Variants in FRMD6 observed in about 807,000 individuals in gnomAD.
FRMD6 encodes the protein FERM domain-containing protein 6.
A neutral mutation model predicts 73.2 loss-of-function variants in FRMD6; 37 were observed. The observed-to-expected ratio is 0.51, with a 90% CI of 0.39 to 0.66. FRMD6 has a LOEUF of 0.66. FRMD6 is among the 30% of genes least tolerant of loss of function. The pLI is 0.00. For synonymous variants in FRMD6, 273 were observed against 282.2 expected (o/e 0.97, Z 0.33); for missense variants, 714 against 780.5 (o/e 0.91, Z 1.02).
intron 9 of FRMD6, among the ~76,000 whole-genome samples, 182 bp downstream of exon 9, chr14:51,712,733 T>A (rs10873052): frequency 6.6e-5 from 10 of 152,036 alleles, no homozygotes; most frequent in Non-Finnish European, 7.4e-5. Flanking sequence ...CTATAGATTC[T>A]TTGTCACACA....
intron 2 of FRMD6, 111 bp from the exon 3 acceptor site, chr14:51,698,031 C>A: frequency 1.5e-6 from 1 of 681,958 alleles, no homozygotes; most frequent in Non-Finnish European, 2.6e-6. Context: ...TTTCTACTGT[C>A]AGCTTGTCCT....
At chr14:51,625,463 TTTG>T (rs150910846) in intron 2 of FRMD6, among the ~76,000 whole-genome samples, 60,094 of 114,960 alleles carry the variant, frequency 0.52, 13,000 homozygotes, top group African/African-American at 0.63. Context: ...ATCTTTTTTT[TTTG>T]TTGTTGTTGT....
At chr14:51,590,276 G>A (rs938467317) in intron 2 of FRMD6, among the ~76,000 whole-genome samples, 2 of 152,120 alleles carry the variant, frequency 1.3e-5, no homozygotes, top group Non-Finnish European at 2.9e-5. Flanking sequence ...CCAGATGTTT[G>A]ACCAGAGAAC....
rs1898196667 is a variant in FRMD6 at position 51,730,436 on chromosome 14, TAAAAA to T, written c.*2408_*2412del. Reference sequence around the variant, plus strand: ...TGTATTTGGAAATTGTTTTTAAAAATAAAAAGGAAAGGAAATATATAAAGCTGTTA... The same window carrying T: ...TGTATTTGGAAATTGTTTTTAAAAATGGAAAGGAAATATATAAAGCTGTTA... On this transcript the variant is annotated 3_prime_UTR_variant, in exon 14 of 14. Coordinates refer to ENST00000344768, the MANE Select transcript of FRMD6 (RefSeq NM_001267046.2). 6.6e-6 allele frequency: 1 copy of T among 152,242 alleles called. No individual in the cohort carries two copies. The highest frequency in any genetic ancestry group is 6.6e-5 in the Admixed American group (1 of 15,266). 9.4% of individuals were successfully genotyped at this position (152,242 alleles called of 1,614,324 possible).
chr14:51,613,990 T>C (rs1404728067), intron 2 of FRMD6, among the ~76,000 whole-genome samples: 1 of 152,208 alleles, frequency 6.6e-6, no homozygotes, highest in Non-Finnish European at 1.5e-5. Context: ...ATTTCACACG[T>C]ACCACACACC....
chr14:51,456,191 C>T, the FRMD6 span, among the ~76,000 whole-genome samples: 1 of 152,074 alleles, frequency 6.6e-6, no homozygotes, highest in Non-Finnish European at 1.5e-5. Flanking sequence ...GGGATACATT[C>T]TGCAGAACTT....
intron 7 of FRMD6, among the ~76,000 whole-genome samples, chr14:51,708,658 A>G (rs951294668): frequency 2.0e-5 from 3 of 152,114 alleles, no homozygotes; most frequent in Non-Finnish European, 4.4e-5. Context: ...CATTACCACA[A>G]CAGGTAATGT....
rs199579802 is a variant in FRMD6, at chr14:51,555,040, ATACT to A, written c.-209-15303_-209-15300del. Among the ~76,000 whole-genome samples the A allele has an allele frequency of 6.5e-3, 990 of 152,334 alleles. 25 individuals carry two copies. Among genetic ancestry groups the A allele is most frequent in the Admixed American group, 0.056 (853 of 15,304 alleles). On this transcript the variant is annotated intron_variant, in intron 1 of 14. Transcript: ENST00000356218. ...GAGCCATCCTGGCCTGCACTAGGAA[ATACT>A]TACTCGATGCATTGTGGACCCTTCC...
intron 1 of FRMD6, among the ~76,000 whole-genome samples, chr14:51,655,116 G>A (rs1048803206): frequency 6.6e-6 from 1 of 151,620 alleles, no homozygotes; most frequent in Non-Finnish European, 1.5e-5. Flanking sequence ...ACAGTTTGTG[G>A]ATTCAGGTAT....
At chr14:51,566,046 TC>T (rs1457648019) in intron 1 of FRMD6, among the ~76,000 whole-genome samples, 150 of 152,222 alleles carry the variant, frequency 9.9e-4, no homozygotes, top group African/African-American at 3.5e-3. Flanking sequence ...GCGCCTGTAG[TC>T]CCAGCTACTC....
At chr14:51,710,774 A>G (rs1896898543) in intron 7 of FRMD6, among the ~76,000 whole-genome samples, 1 of 152,186 alleles carries the variant, frequency 6.6e-6, no homozygotes, top group African/African-American at 2.4e-5. Flanking sequence ...TGAACTTTAT[A>G]CACTATATAT....
At chr14:51,513,971 G>A (rs548514341) in intron 1 of FRMD6, among the ~76,000 whole-genome samples, 5 of 152,292 alleles carry the variant, frequency 3.3e-5, no homozygotes, top group African/African-American at 4.8e-5. Context: ...CCTTGGTAAC[G>A]TTATTTGTGA....
At chr14:51,472,533 G>T in the FRMD6 span, among the ~76,000 whole-genome samples, 1 of 152,158 alleles carries the variant, frequency 6.6e-6, no homozygotes, top group Non-Finnish European at 1.5e-5. Flanking sequence ...TCGATCTCCT[G>T]ACCTCGTGAT....
chr14:51,492,619 A>G (rs1267764660), intron 1 of FRMD6, among the ~76,000 whole-genome samples: 2 of 152,166 alleles, frequency 1.3e-5, no homozygotes, highest in East Asian at 3.8e-4. Context: ...TTCATTTTCA[A>G]AGAGTTTCTC....
At chr14:51,437,464 G>A in the FRMD6 span, among the ~76,000 whole-genome samples, 4 of 152,118 alleles carry the variant, frequency 2.6e-5, no homozygotes, top group Admixed American at 1.3e-4. Flanking sequence ...CACCACACCC[G>A]GCTAATTTTT....
chr14:51,663,293 A>C (rs898530239), intron 1 of FRMD6, among the ~76,000 whole-genome samples: 2 of 152,246 alleles, frequency 1.3e-5, no homozygotes, highest in South Asian at 4.1e-4. Flanking sequence ...AAATCATTCT[A>C]TTACAAAGAC....
chr14:51,596,058 C>T (rs1309822239), intron 2 of FRMD6, among the ~76,000 whole-genome samples: 1 of 152,168 alleles, frequency 6.6e-6, no homozygotes, highest in Non-Finnish European at 1.5e-5. Flanking sequence ...ACTTGCAGAA[C>T]TAATGTTCCC....
chr14:51,699,082 T>C (rs1386960937), intron 3 of FRMD6, among the ~76,000 whole-genome samples: 1 of 152,096 alleles, frequency 6.6e-6, no homozygotes, highest in Non-Finnish European at 1.5e-5. Flanking sequence ...ATAATATGTT[T>C]ACACCTGCCA....
At chr14:51,702,464 C>T in intron 4 of FRMD6, 48 bp from the exon 5 acceptor site, 1 of 1,521,526 alleles carries the variant, frequency 6.6e-7, no homozygotes, top group African/African-American at 1.4e-5. Context: ...AACCCATTTT[C>T]AAAGTAACTA....
Sources: gnomAD v4.1 joint callset for allele counts (sites outside exome capture counted in the v4.1 genomes callset) on GRCh38, gnomAD v4.1.1 for gene constraint, MANE v1.5 for transcripts, NCBI Gene and HGNC (gene_info 2026-07-23, HGNC 2026-07-21) for gene names.